Variants in ABTB3 observed in about 807,000 individuals in gnomAD.
ABTB3 encodes ankyrin repeat- and BTB/POZ domain-containing protein 3.
chr12:107,632,283 A>G, the ABTB3 span, among the ~76,000 whole-genome samples: 1 of 152,200 alleles, frequency 6.6e-6, no homozygotes, highest in South Asian at 2.1e-4. Flanking sequence ...TGCCTCTCTC[A>G]AGGGCACAAG....
At chr12:107,621,030 C>T in the ABTB3 span, among the ~76,000 whole-genome samples, 2 of 152,156 alleles carry the variant, frequency 1.3e-5, no homozygotes, top group South Asian at 4.1e-4. Context: ...CCGGGCTGGG[C>T]TGTGTGACTG....
the ABTB3 span, among the ~76,000 whole-genome samples, chr12:107,537,428 G>A: frequency 6.6e-6 from 1 of 152,032 alleles, no homozygotes; most frequent in Non-Finnish European, 1.5e-5. Context: ...TGATGGATAT[G>A]GTAATTACCC....
the ABTB3 span, among the ~76,000 whole-genome samples, chr12:107,443,586 G>T: frequency 6.6e-6 from 1 of 152,184 alleles, no homozygotes; most frequent in African/African-American, 2.4e-5. Flanking sequence ...TAAATGTGGG[G>T]AGGGGAATAG....
the ABTB3 span, among the ~76,000 whole-genome samples, chr12:107,529,867 T>C: frequency 1.3e-5 from 2 of 152,322 alleles, no homozygotes; most frequent in South Asian, 2.1e-4. Context: ...GGTCTCTGCT[T>C]TTGAAACTCA....
At chr12:107,456,093 A>G in the ABTB3 span, among the ~76,000 whole-genome samples, 11 of 152,264 alleles carry the variant, frequency 7.2e-5, no homozygotes, top group Non-Finnish European at 1.3e-4. Context: ...TATTAACTAA[A>G]TAAATGTACA....
chr12:107,640,610 G>A, the ABTB3 span, among the ~76,000 whole-genome samples: 1 of 152,154 alleles, frequency 6.6e-6, no homozygotes, highest in Non-Finnish European at 1.5e-5. Context: ...CACATAAAGG[G>A]GCCAGGGGGG....
the ABTB3 span, among the ~76,000 whole-genome samples, chr12:107,573,774 G>A: frequency 2.0e-5 from 3 of 152,210 alleles, no homozygotes; most frequent in East Asian, 5.8e-4. Flanking sequence ...CTCTCTTCTG[G>A]GAAAAATCAG....
the ABTB3 span, among the ~76,000 whole-genome samples, chr12:107,360,365 C>T: frequency 6.6e-6 from 1 of 152,122 alleles, no homozygotes; most frequent in African/African-American, 2.4e-5. Context: ...AAGAGTTTTG[C>T]TGGATTGGAG....
chr12:107,530,849 A>G, the ABTB3 span, among the ~76,000 whole-genome samples: 1 of 152,158 alleles, frequency 6.6e-6, no homozygotes, highest in South Asian at 2.1e-4. Flanking sequence ...AAACATTGGG[A>G]CAGATTCCCA....
the ABTB3 span, among the ~76,000 whole-genome samples, chr12:107,616,213 C>A: frequency 6.6e-6 from 1 of 152,172 alleles, no homozygotes; most frequent in Non-Finnish European, 1.5e-5. Context: ...AGGACATTCC[C>A]GACCTTTAAA....
At chr12:107,419,578 G>C in the ABTB3 span, among the ~76,000 whole-genome samples, 1 of 152,236 alleles carries the variant, frequency 6.6e-6, no homozygotes, top group East Asian at 1.9e-4. Flanking sequence ...GGAGCACTTT[G>C]TCTACAGCCG....
chr12:107,584,939 T>G, the ABTB3 span, among the ~76,000 whole-genome samples: 79 of 152,280 alleles, frequency 5.2e-4, no homozygotes, highest in African/African-American at 1.8e-3. Flanking sequence ...AAGTATCAGA[T>G]AATACAAACC....
the ABTB3 span, among the ~76,000 whole-genome samples, chr12:107,510,051 C>A: frequency 1.3e-5 from 2 of 152,172 alleles, no homozygotes; most frequent in Non-Finnish European, 2.9e-5. Flanking sequence ...GGGAGAAATA[C>A]ACTCAGAGAA....
At chr12:107,635,147 C>G in the ABTB3 span, 1 of 683,198 alleles carries the variant, frequency 1.5e-6, no homozygotes, top group Non-Finnish European at 2.4e-6. Context: ...GACTTCTGTG[C>G]TACCCCAGGG....
the ABTB3 span, among the ~76,000 whole-genome samples, chr12:107,341,144 C>T: frequency 6.6e-6 from 1 of 152,188 alleles, no homozygotes; most frequent in South Asian, 2.1e-4. Context: ...AGTGCTGTCT[C>T]CCGCAATAGC....
At chr12:107,482,701 G>C in the ABTB3 span, among the ~76,000 whole-genome samples, 1 of 151,930 alleles carries the variant, frequency 6.6e-6, no homozygotes, top group Non-Finnish European at 1.5e-5. Flanking sequence ...CCCACTCCAA[G>C]CCAAGGAGCA....
At chr12:107,351,142 T>C in the ABTB3 span, among the ~76,000 whole-genome samples, 1 of 152,234 alleles carries the variant, frequency 6.6e-6, no homozygotes, top group Non-Finnish European at 1.5e-5. Flanking sequence ...TTTAATTGAT[T>C]AGTTAGTGCC....
the ABTB3 span, among the ~76,000 whole-genome samples, chr12:107,486,189 G>A: frequency 6.6e-6 from 1 of 152,116 alleles, no homozygotes; most frequent in Admixed American, 6.5e-5. Context: ...GGGCAGGGGA[G>A]TTCTTACTGT....
At chr12:107,654,406 C>G in the ABTB3 span, among the ~76,000 whole-genome samples, 4 of 152,206 alleles carry the variant, frequency 2.6e-5, no homozygotes, top group African/African-American at 9.6e-5. Flanking sequence ...TCAAGCGATT[C>G]TCCTGCCTCA....
Sources: gnomAD v4.1 joint callset for allele counts (sites outside exome capture counted in the v4.1 genomes callset) on GRCh38, gnomAD v4.1.1 for gene constraint, MANE v1.5 for transcripts, NCBI Gene and HGNC (gene_info 2026-07-23, HGNC 2026-07-21) for gene names.